The following ZP3 variants were observed in gnomAD, a reference collection of about 807,000 sequenced individuals.
ZP3 encodes the protein zona pellucida glycoprotein 3, also known as zona pellucida sperm-binding protein 3.
ZP3 carries 21 observed loss-of-function variants against 35.6 expected under a neutral mutation model. That is an observed-to-expected ratio of 0.59 (90% CI 0.42 to 0.85). ZP3 has a LOEUF of 0.85. Ranked by LOEUF, ZP3 falls within the 40% of genes least tolerant of loss-of-function variation. The pLI, the probability that ZP3 is intolerant of heterozygous loss-of-function variation, is 0.00. For synonymous variants in ZP3, 207 were observed against 214.5 expected (o/e 0.96, Z 0.31); for missense variants, 437 against 536.5 (o/e 0.81, Z 1.83).
At chr7:76,401,731 A>G (rs1268265441) in intron 1 of ZP3, among the ~76,000 whole-genome samples, 1 of 152,030 alleles carries the variant, frequency 6.6e-6, no homozygotes, top group Non-Finnish European at 1.5e-5. Context: ...GCTTTTTTCA[A>G]TTCCCAGCTT....
At chr7:76,423,984 C>T (rs1414619806), upstream of ZP3, among the ~76,000 whole-genome samples, 1 of 152,122 alleles carries the variant, frequency 6.6e-6, no homozygotes, top group Non-Finnish European at 1.5e-5. Flanking sequence ...CTCCACCTCT[C>T]TTCACACAGC....
intron 1 of ZP3, chr7:76,404,460 C>CAGAT: frequency 6.2e-7 from 1 of 1,613,888 alleles, no homozygotes; most frequent in East Asian, 2.2e-5. Context: ...AAGGGTGTTT[C>CAGAT]AGATGCTCCC....
rs1271510975 is a variant in ZP3, at chr7:76,405,339, C to CTTTCTT, written c.-67+7545_-67+7546insCTTTTT. Reference sequence around the variant, plus strand: ...TATGTATTTTTTTCTTTCTTTCTTTCTTTTTTTTTTTTTTTTTTTTTTGGT... The same window carrying CTTTCTT: ...TATGTATTTTTTTCTTTCTTTCTTTCTTTCTTTTTTTTTTTTTTTTTTTTTTTTGGT... On this transcript the variant is annotated intron_variant, in intron 1 of 8. Transcript: ENST00000336517. Among the ~76,000 whole-genome samples the CTTTCTT allele has an allele frequency of 2.8e-3, 60 of 21,386 alleles. 2 individuals carry two copies. Among genetic ancestry groups the CTTTCTT allele is most frequent in the East Asian group, 9.9e-3 (4 of 404 alleles). The allele number at this position is 21,386 out of a possible 152,430, so 14.0% of individuals were successfully genotyped here. A position where few individuals can be genotyped will look rare whatever the true frequency, so the allele number is the denominator to read the frequency against.
At chr7:76,420,906 CGTGTGTGTGT>C (rs55828330), upstream of ZP3, among the ~76,000 whole-genome samples, 12,453 of 144,490 alleles carry the variant, frequency 0.086, 1,038 homozygotes, top group African/African-American at 0.21. Context: ...TATATTTCCA[CGTGTGTGTGT>C]GTGTGTGTGT....
At chr7:76,397,732 C>G (rs1357765846) in exon 1 of ZP3, 2 of 1,613,220 alleles carry the variant, frequency 1.2e-6, no homozygotes, top group African/African-American at 1.3e-5. Flanking sequence ...CCGGCAGCCC[C>G]CAGTCGTCGT....
intron 1 of ZP3, chr7:76,400,443 G>A (rs73361550): frequency 0.025 from 39,752 of 1,607,316 alleles, 1,718 homozygotes; most frequent in East Asian, 0.14. Flanking sequence ...GCCGTGGCAC[G>A]GGCAGTGCCA....
At chr7:76,402,352 A>G (rs1026315915) in intron 1 of ZP3, among the ~76,000 whole-genome samples, 1 of 151,420 alleles carries the variant, frequency 6.6e-6, no homozygotes, top group African/African-American at 2.4e-5. Context: ...GCTAATTTTT[A>G]TATTTTTTAG....
intron 5 of ZP3, among the ~76,000 whole-genome samples, chr7:76,435,057 A>T (rs1805950332): frequency 6.6e-6 from 1 of 152,266 alleles, no homozygotes; most frequent in Admixed American, 6.5e-5. Context: ...AAGTGGTTAG[A>T]AGTAAATTGC....
upstream of ZP3, among the ~76,000 whole-genome samples, chr7:76,421,758 C>G (rs186227158): frequency 6.6e-6 from 1 of 152,110 alleles, no homozygotes. Flanking sequence ...CCATGCCCAG[C>G]TAATGCCATT....
upstream of ZP3, among the ~76,000 whole-genome samples, chr7:76,420,134 T>G (rs1805472009): frequency 6.7e-6 from 1 of 149,164 alleles, no homozygotes; most frequent in South Asian, 2.2e-4. Flanking sequence ...CCTCCTCCCC[T>G]TCCTCTTCCC....
chr7:76,401,896 C>T (rs955712227), intron 1 of ZP3, among the ~76,000 whole-genome samples: 10 of 152,200 alleles, frequency 6.6e-5, no homozygotes, highest in African/African-American at 1.7e-4. Flanking sequence ...CCAGACTCTC[C>T]GCTCAGAACC....
chr7:76,404,275 G>T, intron 1 of ZP3: 1 of 1,518,406 alleles, frequency 6.6e-7, no homozygotes. Context: ...TCAGAAAGAG[G>T]AAGTGGCAAG....
chr7:76,397,705 A>C, exon 1 of ZP3: 1 of 1,613,430 alleles, frequency 6.2e-7, no homozygotes, highest in South Asian at 1.1e-5. Context: ...CCAGCTGACG[A>C]CAGACCACAG....
At position 76,429,577 on chromosome 7, in the gene ZP3, C is replaced by G. The variant is rs960248171; in HGVS notation, c.375C>G (p.Asn125Lys). 1 of 1,614,006 alleles carries G rather than the reference C, an allele frequency of 6.2e-7. No individual in the cohort carries two copies. Among genetic ancestry groups the G allele is most frequent in the South Asian group, 1.1e-5 (1 of 91,094 alleles). The change falls in exon 2 of 8, where the codon AAC becomes AAG. Residue 125 changes from asparagine (N) to lysine (K), a missense_variant. Transcript: ENST00000394857. ...FLLHDPRPVG[N>K]LSIVRTNRAE... is the part of the protein sequence containing the mutation. ...TCCATGACCCCCGCCCCGTGGGAAA[C>G]CTGTCCATCGTGAGGACTAACCGCG... is the stretch of plus-strand genomic sequence containing the variant.
At chr7:76,421,092 C>T (rs559261690), upstream of ZP3, among the ~76,000 whole-genome samples, 1 of 152,042 alleles carries the variant, frequency 6.6e-6, no homozygotes, top group African/African-American at 2.4e-5. Flanking sequence ...TGTGCCACCA[C>T]GTCAGCTAAT....
In ZP3 at chr7:76,425,243, G is replaced by T. The variant is rs1805616407; in HGVS notation, c.279G>T (p.Glu93Asp). ...SMDTEDVVRF[E>D]VGLHECGNSM... ...ACACAGAAGATGTGGTCAGGTTTGA[G>T]GTTGGACTCCACGAGTGTGGCAACA... The change falls in exon 1 of 8, where the codon GAG becomes GAT. Residue 93 changes from glutamate to aspartate, a missense_variant. Coordinates refer to ENST00000394857, the MANE Select transcript of ZP3 (RefSeq NM_001110354.2). 1.2e-6 allele frequency: 2 copies of T among 1,612,656 alleles called. No homozygotes were observed. Among genetic ancestry groups the T allele is most frequent in the Non-Finnish European group, 8.5e-7 (1 of 1,179,348 alleles).
At chr7:76,433,242 C>T (rs1251376834) in intron 3 of ZP3, among the ~76,000 whole-genome samples, 2 of 148,774 alleles carry the variant, frequency 1.3e-5, no homozygotes, top group African/African-American at 4.9e-5. Context: ...CAGTCTCCAC[C>T]TCCTGGGGTT....
chr7:76,428,272 G>A (rs902074557), intron 1 of ZP3, among the ~76,000 whole-genome samples: 3 of 152,052 alleles, frequency 2.0e-5, no homozygotes, highest in Non-Finnish European at 2.9e-5. Flanking sequence ...AGTGAGCCGA[G>A]TTCGTGCCAC....
At chr7:76,409,065 A>C (rs1181809935) in intron 1 of ZP3, among the ~76,000 whole-genome samples, 1 of 152,140 alleles carries the variant, frequency 6.6e-6, no homozygotes, top group Non-Finnish European at 1.5e-5. Context: ...GGCCCACTCT[A>C]GGTGTGGTAG....
Sources: gnomAD v4.1 joint callset for allele counts (sites outside exome capture counted in the v4.1 genomes callset) on GRCh38, gnomAD v4.1.1 for gene constraint, MANE v1.5 for transcripts, NCBI Gene and HGNC (gene_info 2026-07-23, HGNC 2026-07-21) for gene names.